The following ZBTB7C variants were observed in gnomAD, a reference collection of about 807,000 sequenced individuals.
ZBTB7C encodes zinc finger and BTB domain containing 7C, also known as zinc finger and BTB domain-containing protein 7C.
Under a neutral mutation model 25.7 loss-of-function variants are expected in ZBTB7C, and 8 were observed. The ratio of observed to expected loss-of-function variants is 0.31; its 90% confidence interval spans 0.18 to 0.56. ZBTB7C has a LOEUF of 0.56. Ranked by LOEUF, ZBTB7C falls within the 20% of genes least tolerant of loss-of-function variation. ZBTB7C has a pLI of 0.91. For synonymous variants in ZBTB7C, 394 were observed against 369.0 expected, an observed-to-expected ratio of 1.07 and a Z score of -0.78; for missense variants, 824 against 855.2, an observed-to-expected ratio of 0.96 and a Z score of 0.46.
chr18:48,032,750 T>A (rs1369731070), intron 4 of ZBTB7C, among the ~76,000 whole-genome samples: 3 of 152,108 alleles, frequency 2.0e-5, no homozygotes, highest in Non-Finnish European at 4.4e-5. Context: ...AGGTTTTTTT[T>A]AAGTCACTAT....
At chr18:48,180,336 A>T (rs2041880979) in intron 3 of ZBTB7C, 1 of 456,466 alleles carries the variant, frequency 2.2e-6, no homozygotes, top group Admixed American at 2.4e-5. Context: ...ACACCTGTTC[A>T]TATTTCAGAT....
At chr18:48,227,057 A>G (rs1006496029) in intron 2 of ZBTB7C, among the ~76,000 whole-genome samples, 6 of 151,654 alleles carry the variant, frequency 4.0e-5, no homozygotes, top group African/African-American at 1.2e-4. Context: ...AAAAGAAAAA[A>G]AAAAGAGTTA....
intron 3 of ZBTB7C, among the ~76,000 whole-genome samples, chr18:48,071,768 C>T (rs938398696): frequency 7.2e-5 from 11 of 152,218 alleles, no homozygotes; most frequent in African/African-American, 2.4e-4. Flanking sequence ...ATGGGGAAAC[C>T]AAATGTGATA....
chr18:48,206,587 G>A (rs1041507199), intron 2 of ZBTB7C, among the ~76,000 whole-genome samples: 1 of 152,172 alleles, frequency 6.6e-6, no homozygotes. Flanking sequence ...TTCAGTCCAG[G>A]AGGCTGAGGC....
intron 1 of ZBTB7C, among the ~76,000 whole-genome samples, chr18:48,360,331 G>T (rs769622986): frequency 2.0e-5 from 3 of 152,240 alleles, no homozygotes; most frequent in Non-Finnish European, 4.4e-5. Flanking sequence ...AGAGTCAACA[G>T]TTGAGCTGGG....
Position 48,039,882 on chromosome 18 carries a change from G to A in ZBTB7C, c.1208+18C>T, listed in dbSNP as rs754878554. On this transcript the variant is annotated intron_variant, in intron 4 of 4. Transcript: ENST00000590800. ...GCCTCTGGCCCCGTGCCCCACACCC[G>A]AGGGCTGCCATGCGCACCTGGTGAA... The A allele has an allele frequency of 1.1e-4, 184 of 1,608,000 alleles. No homozygotes were observed. Among genetic ancestry groups the A allele is most frequent in the Middle Eastern group, 1.7e-4 (1 of 5,910 alleles).
chr18:48,347,429 TC>T (rs2046766493), intron 1 of ZBTB7C, among the ~76,000 whole-genome samples: 1 of 152,238 alleles, frequency 6.6e-6, no homozygotes, highest in East Asian at 1.9e-4. Flanking sequence ...TTTCCCTGCT[TC>T]CCCTAGGAAG....
intron 1 of ZBTB7C, among the ~76,000 whole-genome samples, chr18:48,394,829 C>G (rs1368066298): frequency 6.6e-6 from 1 of 152,100 alleles, no homozygotes; most frequent in African/African-American, 2.4e-5. Flanking sequence ...TGCAAATGCA[C>G]GGGGCTAAGA....
chr18:48,040,828 T>C lies in ZBTB7C; in HGVS notation c.280A>G (p.Thr94Ala). ...CCAGCGGTGATGGTGAGCGTGGAGG[T>C]GTAGGCGAACTCCAGGATAGCAGCC... ...ALAAILEFAY[T>A]STLTITAGNV... The change falls in exon 4 of 5, where the codon ACC becomes GCC. Residue 94 changes from threonine (T) to alanine (A), a missense_variant. Coordinates refer to ENST00000590800, the MANE Select transcript of ZBTB7C (RefSeq NM_001318841.2). 3.1e-6 allele frequency: 5 copies of C among 1,613,236 alleles called. No individual in the cohort carries two copies. Among genetic ancestry groups the C allele is most frequent in the Non-Finnish European group, 3.4e-6 (4 of 1,179,776 alleles).
chr18:48,380,337 A>G (rs893454754), intron 1 of ZBTB7C, among the ~76,000 whole-genome samples: 3 of 152,182 alleles, frequency 2.0e-5, no homozygotes, highest in African/African-American at 7.2e-5. Context: ...TGAATATTAA[A>G]TAAATGGATG....
chr18:48,241,565 T>A (rs910785494), intron 2 of ZBTB7C, among the ~76,000 whole-genome samples: 1 of 152,146 alleles, frequency 6.6e-6, no homozygotes, highest in South Asian at 2.1e-4. Context: ...CTCAAAACTA[T>A]ACAAAGACAT....
intron 2 of ZBTB7C, among the ~76,000 whole-genome samples, chr18:48,243,138 C>A (rs1310487496): frequency 6.6e-6 from 1 of 151,922 alleles, no homozygotes; most frequent in African/African-American, 2.4e-5. Context: ...GTCGTACACG[C>A]CTATAATTCC....
chr18:48,398,803 G>A (rs1357536322), intron 1 of ZBTB7C, among the ~76,000 whole-genome samples: 1 of 152,132 alleles, frequency 6.6e-6, no homozygotes, highest in African/African-American at 2.4e-5. Context: ...ATAAATCAGT[G>A]TTGAGTACAT....
intron 4 of ZBTB7C, among the ~76,000 whole-genome samples, chr18:48,034,863 G>A (rs914858942): frequency 6.6e-6 from 1 of 152,166 alleles, no homozygotes; most frequent in African/African-American, 2.4e-5. Flanking sequence ...GAGTCCTCAT[G>A]AGCTCATTCC....
At position 48,029,195 on chromosome 18, in the gene ZBTB7C, G is replaced by C; in HGVS notation, c.*65C>G. 3 of 1,477,446 alleles carry C rather than the reference G, an allele frequency of 2.0e-6. No individual in the cohort carries two copies. Among genetic ancestry groups the C allele is most frequent in the Non-Finnish European group, 2.7e-6 (3 of 1,123,756 alleles). The allele number at this position is 1,477,446 out of a possible 1,614,324, so 91.5% of individuals were successfully genotyped here. On this transcript the variant is annotated 3_prime_UTR_variant, in exon 5 of 5. Coordinates refer to ENST00000590800, the MANE Select transcript of ZBTB7C (RefSeq NM_001318841.2). The stretch of plus-strand genomic sequence containing the variant: ...ATGAAAAGTTCAGATCCATGGGGTA[G>C]GGTAGAGTGGGCCTGGAGGGAGAAG...
At chr18:48,227,019 C>CAAAAAAAAAAAAAAAAAAAAAAAAA (rs1187830776) in intron 2 of ZBTB7C, among the ~76,000 whole-genome samples, 6 of 56,132 alleles carry the variant, frequency 1.1e-4, no homozygotes, top group Admixed American at 2.1e-4. Flanking sequence ...GACTCCATCT[C>CAAAAAAAAAAAAAAAAAAAAAAAAA]AAAAAAAAAA....
intron 3 of ZBTB7C, among the ~76,000 whole-genome samples, chr18:48,133,541 A>G (rs939377460): frequency 4.6e-5 from 7 of 152,188 alleles, no homozygotes; most frequent in Non-Finnish European, 8.8e-5. Flanking sequence ...AAATTTATTA[A>G]GCAATAACAT....
chr18:48,235,633 T>A lies in ZBTB7C; in HGVS notation c.-78-49638A>T, dbSNP rs34369200. ...CTTTCTTAAATACATATTTTAGGAG[T>A]TCCTTTGGTGACTCTCCTTTAGTGT... On this transcript the variant is annotated intron_variant, in intron 2 of 4. Transcript: ENST00000590800. 6.6e-3 allele frequency among the ~76,000 whole-genome samples: 999 copies of A among 152,268 alleles called. 6 individuals are homozygous for A. Among genetic ancestry groups the A allele is most frequent in the Non-Finnish European group, 0.01 (704 of 68,018 alleles).
intron 3 of ZBTB7C, among the ~76,000 whole-genome samples, chr18:48,132,318 C>A (rs2040011045): frequency 6.6e-6 from 1 of 152,178 alleles, no homozygotes; most frequent in Non-Finnish European, 1.5e-5. Flanking sequence ...ACACTAGTCA[C>A]AAAAGACCAC....
Sources: gnomAD v4.1 joint callset for allele counts (sites outside exome capture counted in the v4.1 genomes callset) on GRCh38, gnomAD v4.1.1 for gene constraint, MANE v1.5 for transcripts, NCBI Gene and HGNC (gene_info 2026-07-23, HGNC 2026-07-21) for gene names.